NCALD: variants seen among roughly 807,000 people sequenced by gnomAD.
The protein encoded by NCALD is neurocalcin delta.
Under a neutral mutation model 18.6 loss-of-function variants are expected in NCALD, and 10 were observed. The ratio of observed to expected loss-of-function variants is 0.54; its 90% CI spans 0.33 to 0.91. The LOEUF is 0.91. Among genes scored for constraint, NCALD ranks in the 40% least tolerant of loss-of-function variants. The pLI, the probability that NCALD is intolerant of heterozygous loss-of-function variation, is 0.03. For synonymous variants in NCALD, 88 were observed against 87.4 expected, an observed-to-expected ratio of 1.01 and a Z score of -0.04; for missense variants, 184 against 247.6, an observed-to-expected ratio of 0.74 and a Z score of 1.72.
intron 1 of NCALD, among the ~76,000 whole-genome samples, chr8:102,066,813 C>T (rs1268924124): frequency 6.6e-6 from 1 of 152,208 alleles, no homozygotes. Flanking sequence ...TAAAGCACAA[C>T]ATTTCAGAAA....
At chr8:101,821,032 C>T (rs1586576396) in intron 4 of NCALD, among the ~76,000 whole-genome samples, 4 of 152,142 alleles carry the variant, frequency 2.6e-5, no homozygotes, top group African/African-American at 4.8e-5. Flanking sequence ...GTCATAAAGA[C>T]ACCACATGCA....
intron 2 of NCALD, among the ~76,000 whole-genome samples, chr8:101,990,805 C>T (rs145830841): frequency 3.9e-5 from 6 of 152,266 alleles, no homozygotes; most frequent in African/African-American, 1.4e-4. Flanking sequence ...TCTCAGGCTC[C>T]CACAGCATTA....
At chr8:101,941,039 C>A (rs965230676) in intron 2 of NCALD, among the ~76,000 whole-genome samples, 4 of 152,210 alleles carry the variant, frequency 2.6e-5, no homozygotes, top group Admixed American at 6.5e-5. Context: ...TTTAATCTAA[C>A]CTGAAATAAT....
chr8:101,861,725 C>G (rs117170224), intron 4 of NCALD, among the ~76,000 whole-genome samples: 4,045 of 152,208 alleles, frequency 0.027, 87 homozygotes, highest in Non-Finnish European at 0.04. Flanking sequence ...ATTGTGTTCT[C>G]TCACATGTTA....
Position 101,847,545 on chromosome 8 carries a change from T to C in NCALD, c.-20+39596A>G, listed in dbSNP as rs148411897. Among the ~76,000 whole-genome samples, 234 of 152,326 alleles carry C rather than the reference T, an allele frequency of 1.5e-3. No individual in the cohort carries two copies. In the Middle Eastern group the frequency reaches 0.024, roughly 15 times the overall value. On this transcript the variant is annotated intron_variant, in intron 4 of 6. Transcript: ENST00000311028. Reference sequence around the variant, plus strand: ...CTCCCCATCTCTAGACCTCTGATTATATGAGAAAGGGAAAGCCCCTCATTT... The same window carrying C: ...CTCCCCATCTCTAGACCTCTGATTACATGAGAAAGGGAAAGCCCCTCATTT...
chr8:101,825,049 C>T (rs892234151), intron 4 of NCALD, among the ~76,000 whole-genome samples: 2 of 152,198 alleles, frequency 1.3e-5, no homozygotes, highest in African/African-American at 2.4e-5. Context: ...AATGTAGATA[C>T]CCCCACAACT....
intron 2 of NCALD, among the ~76,000 whole-genome samples, chr8:101,708,164 G>A (rs1253077913): frequency 6.6e-6 from 1 of 152,140 alleles, no homozygotes; most frequent in Non-Finnish European, 1.5e-5. Flanking sequence ...GATCAATAAG[G>A]TTTGGGGAAT....
At chr8:102,084,332 T>C (rs1824660736) in intron 1 of NCALD, among the ~76,000 whole-genome samples, 1 of 152,172 alleles carries the variant, frequency 6.6e-6, no homozygotes, top group East Asian at 1.9e-4. Flanking sequence ...AAGAAGTAAT[T>C]TGACTGAGGG....
At chr8:102,064,054 G>A (rs1823927601) in intron 1 of NCALD, among the ~76,000 whole-genome samples, 1 of 152,140 alleles carries the variant, frequency 6.6e-6, no homozygotes, top group South Asian at 2.1e-4. Context: ...GTTGGTTTCT[G>A]TGCCCCAACT....
intron 1 of NCALD, among the ~76,000 whole-genome samples, chr8:102,038,199 A>G (rs563128503): frequency 2.6e-5 from 4 of 152,258 alleles, no homozygotes; most frequent in South Asian, 4.1e-4. Context: ...AGCTGCATCA[A>G]TTTTGAGATT....
chr8:101,834,434 G>A (rs1047759214), intron 4 of NCALD, among the ~76,000 whole-genome samples: 3 of 152,216 alleles, frequency 2.0e-5, no homozygotes, highest in Non-Finnish European at 4.4e-5. Flanking sequence ...CCGTGCCCCT[G>A]CCAGGTGTGG....
At chr8:101,707,518 A>G (rs1815585086) in intron 2 of NCALD, among the ~76,000 whole-genome samples, 1 of 152,166 alleles carries the variant, frequency 6.6e-6, no homozygotes. Flanking sequence ...TTTTTCCCAT[A>G]CTGCTAAAAG....
intron 2 of NCALD, among the ~76,000 whole-genome samples, chr8:101,957,442 G>C (rs1819678387): frequency 6.6e-6 from 1 of 151,990 alleles, no homozygotes; most frequent in South Asian, 2.1e-4. Context: ...CAGTTAACAT[G>C]AACTTAGCAT....
intron 4 of NCALD, among the ~76,000 whole-genome samples, chr8:101,816,943 C>CTTTG (rs1813519846): frequency 6.6e-6 from 1 of 152,076 alleles, no homozygotes; most frequent in Non-Finnish European, 1.5e-5. Flanking sequence ...TTGCTATAAA[C>CTTTG]CTAAAACTAC....
chr8:101,776,072 T>C (rs16868417), intron 1 of NCALD, among the ~76,000 whole-genome samples: 2,710 of 152,296 alleles, frequency 0.018, 106 homozygotes, highest in East Asian at 0.11. Flanking sequence ...GGGAACAGCA[T>C]GAACCCCAGA....
chr8:102,064,747 A>C (rs1383529271), intron 1 of NCALD, among the ~76,000 whole-genome samples: 2 of 152,142 alleles, frequency 1.3e-5, no homozygotes, highest in Non-Finnish European at 2.9e-5. Flanking sequence ...ATGTACAAAA[A>C]TCACATACCA....
At chr8:102,114,426 G>A (rs1472190989) in intron 1 of NCALD, among the ~76,000 whole-genome samples, 2 of 152,226 alleles carry the variant, frequency 1.3e-5, no homozygotes, top group Non-Finnish European at 2.9e-5. Flanking sequence ...GAGTCCTACT[G>A]AAGAGGCTAT....
At chr8:101,989,402 A>G (rs1820957138) in intron 2 of NCALD, among the ~76,000 whole-genome samples, 2 of 152,252 alleles carry the variant, frequency 1.3e-5, no homozygotes, top group African/African-American at 2.4e-5. Context: ...GAAACTTTAT[A>G]CATAAAAAGA....
At chr8:101,988,060 C>T (rs1820883955) in intron 2 of NCALD, among the ~76,000 whole-genome samples, 1 of 146,526 alleles carries the variant, frequency 6.8e-6, no homozygotes, top group African/African-American at 2.6e-5. Flanking sequence ...GAGGCTGAGG[C>T]AGGAGAATGG....
Sources: allele counts gnomAD v4.1 joint callset (sites outside exome capture counted in the v4.1 genomes callset), GRCh38; gene constraint gnomAD v4.1.1; transcripts MANE v1.5; gene names NCBI Gene and HGNC (gene_info 2026-07-23, HGNC 2026-07-21).